The following UBAP2L variants were observed in gnomAD, a reference collection of about 807,000 sequenced individuals.
The protein encoded by UBAP2L is ubiquitin associated protein 2 like, also known as ubiquitin-associated protein 2-like.
UBAP2L carries 12 observed loss-of-function variants against 130.6 expected under a neutral mutation model. The observed-to-expected ratio is 0.09, with a 90% confidence interval of 0.06 to 0.15. UBAP2L has a LOEUF of 0.15. Ranked by LOEUF, UBAP2L falls within the 10% of genes least tolerant of loss-of-function variation. The probability of loss-of-function intolerance (pLI) is 1.00; values close to 1 mark genes in which losing one functional copy is unlikely to be tolerated. For synonymous variants in UBAP2L, 503 were observed against 524.7 expected (o/e 0.96, Z 0.57); for missense variants, 965 against 1,332.5 (o/e 0.72, Z 4.29).
In UBAP2L at chr1:154,270,744, G is replaced by A. The variant is rs921158411; in HGVS notation, c.*449G>A. 2.9e-5 allele frequency: 41 copies of A among 1,395,928 alleles called. No individual in the cohort carries two copies. The highest frequency in any genetic ancestry group is 1.3e-4 in the South Asian group (8 of 63,126). The allele number at this position is 1,395,928 out of a possible 1,614,324, so 86.5% of individuals were successfully genotyped here. Reference sequence around the variant, plus strand: ...ATGAATATGAACAGCATTGTCAGATGAATTAGTTGAAGTGGTTTTTTTTTT... The same window carrying A: ...ATGAATATGAACAGCATTGTCAGATAAATTAGTTGAAGTGGTTTTTTTTTT... On this transcript the variant is annotated 3_prime_UTR_variant, in exon 27 of 27. Coordinates refer to ENST00000428931, the MANE Select transcript of UBAP2L (RefSeq NM_014847.4).
upstream of UBAP2L, chr1:154,220,332 A>G: frequency 6.2e-7 from 1 of 1,614,054 alleles, no homozygotes; most frequent in Non-Finnish European, 8.5e-7. Context: ...GGGTGGGGTA[A>G]TCTCCTCACC....
intron 3 of UBAP2L, 97 bp from the exon 4 acceptor site, chr1:154,228,518 C>T (rs577273882): frequency 1.1e-6 from 1 of 944,420 alleles, no homozygotes; most frequent in Non-Finnish European, 1.6e-6. Context: ...TTGTTTTTTT[C>T]AAACTCAACT....
chr1:154,255,894 T>A, intron 18 of UBAP2L, 139 bp downstream of exon 18: 1 of 992,408 alleles, frequency 1.0e-6, no homozygotes, highest in Non-Finnish European at 1.6e-6. Context: ...GGAAAAGGAG[T>A]AAAGGGATGT....
Position 154,231,833 on chromosome 1 carries a change from G to A in UBAP2L, c.280-2758G>A, listed in dbSNP as rs574904379. On this transcript the variant is annotated intron_variant, in intron 4 of 26. Coordinates refer to ENST00000428931, the MANE Select transcript of UBAP2L (RefSeq NM_014847.4). ...CACTTGGAATTATCTGGAAGTTGTA[G>A]ACATAATACTTGATACCCTTAAGTT... Among the ~76,000 whole-genome samples the A allele has an allele frequency of 1.6e-3, 237 of 152,258 alleles. 1 individual carries two copies. Among genetic ancestry groups the A allele is most frequent in the Admixed American group, 6.3e-3 (96 of 15,300 alleles).
At chr1:154,253,415 C>T (rs1403623389) in intron 14 of UBAP2L, among the ~76,000 whole-genome samples, 2 of 136,140 alleles carry the variant, frequency 1.5e-5, no homozygotes, top group African/African-American at 5.8e-5. Context: ...GATGGAGTCT[C>T]GCTCTGTCAC....
At chr1:154,266,425 G>A (rs1683253526) in intron 24 of UBAP2L, 76 bp from the exon 25 acceptor site, 1 of 1,475,696 alleles carries the variant, frequency 6.8e-7, no homozygotes, top group Non-Finnish European at 9.5e-7. Flanking sequence ...AAAGGCTACA[G>A]ATATCACCTC....
At chr1:154,259,738 T>C (rs1386694193) in intron 21 of UBAP2L, 3 of 719,090 alleles carry the variant, frequency 4.2e-6, no homozygotes, top group Non-Finnish European at 7.6e-6. Context: ...GGCATACCCG[T>C]AGACCTTGTC....
rs767706755 is a variant in UBAP2L at position 154,259,043 on chromosome 1, G to A, written c.2496+13G>A. 21 of 1,612,120 alleles carry A rather than the reference G, an allele frequency of 1.3e-5. 1 individual carries two copies. In the East Asian group the frequency reaches 1.6e-4, roughly 12 times the overall value. On this transcript the variant is annotated intron_variant, in intron 21 of 26. Transcript: ENST00000428931. ...AAGATTTCCATTGGTGAGTATGTGGGATAGAGCTTTGGAAAAGAAAGTAGT... is the reference window on the plus strand; with the variant it reads ...AAGATTTCCATTGGTGAGTATGTGGAATAGAGCTTTGGAAAAGAAAGTAGT...
intron 3 of UBAP2L, 47 bp from the exon 4 acceptor site, chr1:154,228,568 T>C (rs1668755996): frequency 1.4e-6 from 2 of 1,389,156 alleles, no homozygotes; most frequent in Non-Finnish European, 2.0e-6. Context: ...TCATTGGGAG[T>C]GTGAGCATAA....
intron 4 of UBAP2L, among the ~76,000 whole-genome samples, chr1:154,233,231 T>A (rs1458547135): frequency 6.6e-6 from 1 of 152,052 alleles, no homozygotes; most frequent in Non-Finnish European, 1.5e-5. Context: ...GCCAGGCTGT[T>A]CTCAAACTCT....
In UBAP2L at chr1:154,268,809, A is replaced by G. The variant is rs754958782; in HGVS notation, c.3023A>G (p.Asn1008Ser). 2.5e-6 allele frequency: 4 copies of G among 1,613,904 alleles called. No homozygotes were observed. The highest frequency in any genetic ancestry group is 3.4e-6 in the Non-Finnish European group (4 of 1,179,962). Reference protein sequence around the residue: ...FHSGTPAASFNLPSALGSGGP... With the variant: ...FHSGTPAASFSLPSALGSGGP... Reference sequence around the variant, plus strand: ...TCCGGTACTCCTGCTGCTTCCTTCAACTTGCCTTCAGCCCTAGGAAGTGGG... The same window carrying G: ...TCCGGTACTCCTGCTGCTTCCTTCAGCTTGCCTTCAGCCCTAGGAAGTGGG... Residue 1008 changes from asparagine (N) to serine (S), a missense_variant, in exon 26 of 27, where the codon AAC (asparagine) becomes AGC (serine). Around this residue, in one of 9 missense-constraint regions of UBAP2L, gnomAD observed 194 missense variants for 334.0 expected, o/e 0.58. Transcript: ENST00000428931.
chr1:154,244,925 A>G (rs990290715), intron 10 of UBAP2L, among the ~76,000 whole-genome samples: 1 of 151,884 alleles, frequency 6.6e-6, no homozygotes, highest in Non-Finnish European at 1.5e-5. Flanking sequence ...GAAAGTTCCA[A>G]CACTCTTACC....
chr1:154,225,247 G>A (rs1486103229), intron 2 of UBAP2L, 34 bp downstream of exon 2: 8 of 1,604,294 alleles, frequency 5.0e-6, no homozygotes, highest in Non-Finnish European at 6.0e-6. Flanking sequence ...TTCATGGATA[G>A]CGTTGCCTGC....
At position 154,261,054 on chromosome 1, in the gene UBAP2L, A is replaced by G. The variant is rs1414083370; in HGVS notation, c.2741A>G (p.Tyr914Cys). 1 of 1,614,096 alleles carries G rather than the reference A, an allele frequency of 6.2e-7. No homozygotes were observed. The highest frequency in any genetic ancestry group is 1.7e-5 in the Admixed American group (1 of 60,012). ...TACAGTTACACCAGCCTGCCATACT[A>G]TACAGGGGTCCCGGGCCTCCCCAGC... ...PGYSYTSLPY[Y>C]TGVPGLPSTF... Residue 914 changes from tyrosine to cysteine, a missense_variant, in exon 23 of 27, where the codon TAT (tyrosine) becomes TGT (cysteine). Tyr to Cys is a radical substitution (Grantham distance 194, BLOSUM62 -2). Around this residue, in one of 9 missense-constraint regions of UBAP2L, gnomAD observed 194 missense variants for 334.0 expected, o/e 0.58. Coordinates refer to ENST00000428931, the MANE Select transcript of UBAP2L (RefSeq NM_014847.4).
Position 154,231,288 on chromosome 1 carries a change from CTT to C in UBAP2L, c.279+2576_279+2577del, listed in dbSNP as rs5777894. Among the ~76,000 whole-genome samples the C allele has an allele frequency of 1.1e-3, 156 of 138,346 alleles. No homozygotes were observed. In the South Asian group the frequency reaches 0.013, roughly 11 times the overall value. The allele number at this position is 138,346 out of a possible 152,430, so 90.8% of individuals were successfully genotyped here. Reference sequence around the variant, plus strand: ...AACAGGTGTGCGCCACCACACTTGGCTTTTTTTTTTTTTTCTTTTTTCTTTTT... The same window carrying C: ...AACAGGTGTGCGCCACCACACTTGGCTTTTTTTTTTTTCTTTTTTCTTTTT... On this transcript the variant is annotated intron_variant, in intron 4 of 26. Coordinates refer to ENST00000428931, the MANE Select transcript of UBAP2L (RefSeq NM_014847.4).
chr1:154,251,301 GCCT>G lies in UBAP2L; in HGVS notation c.1478_1480del (p.Ser493del). On this transcript the variant is annotated inframe_deletion, in exon 13 of 27. Coordinates refer to ENST00000428931, the MANE Select transcript of UBAP2L (RefSeq NM_014847.4). ...GAAACTGAAACAGCAGAAGAAAAAA[GCCT>G]CCTTGACTTCTAAGGTACTTAAACT... 1 of 1,613,284 alleles carries G rather than the reference GCCT, an allele frequency of 6.2e-7. No individual in the cohort carries two copies. Among genetic ancestry groups the G allele is most frequent in the Non-Finnish European group, 8.5e-7 (1 of 1,179,738 alleles).
intron 1 of UBAP2L, among the ~76,000 whole-genome samples, chr1:154,221,631 G>A (rs1407066141): frequency 1.3e-5 from 2 of 152,340 alleles, no homozygotes; most frequent in Non-Finnish European, 2.9e-5. Flanking sequence ...GTGGGCTCTC[G>A]ATGTGGCGCT....
chr1:154,255,568 C>A lies in UBAP2L; in HGVS notation c.2085-115C>A, dbSNP rs890736518. The A allele has an allele frequency of 1.5e-5, 20 of 1,303,902 alleles. No homozygotes were observed. In the African/African-American group the frequency reaches 2.9e-4, roughly 19 times the overall value. 80.8% of individuals were successfully genotyped at this position (1,303,902 alleles called of 1,614,324 possible). A position where few individuals can be genotyped will look rare whatever the true frequency, so the allele number is the denominator to read the frequency against. ...GGCCATTGTGCTTAACATATGATCT[C>A]AGACCTCCTTGGTGTCCCATATTAT... On this transcript the variant is annotated intron_variant, in intron 17 of 26. Transcript: ENST00000428931.
intron 1 of UBAP2L, among the ~76,000 whole-genome samples, chr1:154,224,723 C>A (rs1667388601): frequency 6.6e-6 from 1 of 152,178 alleles, no homozygotes; most frequent in African/African-American, 2.4e-5. Context: ...TGTTTCCAGA[C>A]TTTACTGATT....
Sources: allele counts gnomAD v4.1 joint callset (sites outside exome capture counted in the v4.1 genomes callset), GRCh38; gene constraint gnomAD v4.1.1; regional missense constraint gnomAD v4.1.1; transcripts MANE v1.5; gene names NCBI Gene and HGNC (gene_info 2026-07-23, HGNC 2026-07-21).